DNAH11: variants seen among roughly 807,000 people sequenced by gnomAD.
DNAH11 encodes axonemal beta dynein heavy chain 11.
DNAH11 carries 442 observed loss-of-function variants against 526.0 expected under a neutral mutation model. That is an observed-to-expected ratio of 0.84 (90% CI 0.78 to 0.91). The LOEUF (loss-of-function observed/expected upper bound fraction) is 0.91, where lower values mean the gene tolerates loss of function less well. DNAH11 is among the 40% of genes least tolerant of loss of function. DNAH11 has a pLI of 0.00. For missense variants in DNAH11, 6,989 were observed against 5,448.7 expected, an observed-to-expected ratio of 1.28 and a Z score of -8.90; for synonymous variants, 2,461 against 1,935.9, an observed-to-expected ratio of 1.27 and a Z score of -7.12.
intron 14 of DNAH11, among the ~76,000 whole-genome samples, chr7:21,598,587 AAAT>A (rs1784953157): frequency 1.4e-4 from 1 of 6,942 alleles, no homozygotes; most frequent in Admixed American, 7.7e-4. Flanking sequence ...TGGTATGCAA[AAAT>A]AAATAAATAA....
Position 21,600,999 on chromosome 7 carries a change from TC to T in DNAH11, c.3256-10del. 2 of 1,610,462 alleles carry T rather than the reference TC, an allele frequency of 1.2e-6. No homozygotes were observed. The highest frequency in any genetic ancestry group is 1.7e-6 in the Non-Finnish European group (2 of 1,179,176). ...ACTGAGTTGTTCTAATTAATCTTTTTCTCACTACAGATTGACATTTATGAAG... is the reference window on the plus strand; with the variant it reads ...ACTGAGTTGTTCTAATTAATCTTTTTTCACTACAGATTGACATTTATGAAG... On this transcript the variant is annotated splice_polypyrimidine_tract_variant and intron_variant, in intron 16 of 81. Coordinates refer to ENST00000409508, the MANE Select transcript of DNAH11 (RefSeq NM_001277115.2).
At chr7:21,616,869 C>T (rs1486599793) in intron 22 of DNAH11, among the ~76,000 whole-genome samples, 2 of 152,128 alleles carry the variant, frequency 1.3e-5, no homozygotes, top group East Asian at 1.9e-4. Flanking sequence ...TGGATAAAGG[C>T]AAAATGCATA....
At chr7:21,886,604 G>A (rs561822203) in intron 76 of DNAH11, among the ~76,000 whole-genome samples, 14 of 152,246 alleles carry the variant, frequency 9.2e-5, no homozygotes, top group African/African-American at 3.4e-4. Flanking sequence ...CCAGGCATGC[G>A]ACCTTTACAG....
At position 21,704,447 on chromosome 7, in the gene DNAH11, C is replaced by CCTT. The variant is rs770606636; in HGVS notation, c.6287_6288insCTT (p.Leu2097dup). 9.7e-5 allele frequency: 156 copies of CCTT among 1,612,964 alleles called. No individual in the cohort carries two copies. The highest frequency in any genetic ancestry group is 1.3e-4 in the Non-Finnish European group (154 of 1,179,542). On this transcript the variant is annotated inframe_insertion, in exon 38 of 82. Transcript: ENST00000409508. ...TTTTTTTTCTAGGTACTCATGAGAGCATTAAGGGATTTCAATATGCCCAAA... is the reference window on the plus strand; with the variant it reads ...TTTTTTTTCTAGGTACTCATGAGAGCCTTATTAAGGGATTTCAATATGCCCAAA...
chr7:21,757,044 G>A (rs1386379549), intron 54 of DNAH11, among the ~76,000 whole-genome samples: 2 of 152,150 alleles, frequency 1.3e-5, no homozygotes, highest in Non-Finnish European at 2.9e-5. Flanking sequence ...AAAGCCATTG[G>A]ATGGAGGGAA....
At chr7:21,765,660 T>A (rs566021704) in intron 55 of DNAH11, 71 bp downstream of exon 55, 298 of 1,034,680 alleles carry the variant, frequency 2.9e-4, no homozygotes, top group African/African-American at 2.0e-3. Flanking sequence ...ACACACACAC[T>A]CTGAAAATCC....
intron 48 of DNAH11, among the ~76,000 whole-genome samples, chr7:21,740,609 T>C (rs1785838236): frequency 6.6e-6 from 1 of 152,216 alleles, no homozygotes; most frequent in African/African-American, 2.4e-5. Context: ...CACATTTTCC[T>C]TAGTTATTCA....
At chr7:21,579,444 A>G (rs529741572) in intron 8 of DNAH11, among the ~76,000 whole-genome samples, 1 of 152,308 alleles carries the variant, frequency 6.6e-6, no homozygotes, top group South Asian at 2.1e-4. Context: ...TGGAGTATGA[A>G]GAGTACAGAG....
intron 73 of DNAH11, among the ~76,000 whole-genome samples, chr7:21,871,832 C>A (rs904086329): frequency 7.2e-5 from 2 of 27,790 alleles, no homozygotes; most frequent in Non-Finnish European, 2.6e-4. Flanking sequence ...TGGTTTAAGA[C>A]CCTTCATTGG....
rs1783393882 is a variant in DNAH11, at chr7:21,869,008, A to G, written c.11967+17A>G. 1 of 1,613,496 alleles carries G rather than the reference A, an allele frequency of 6.2e-7. No homozygotes were observed. The highest frequency in any genetic ancestry group is 1.3e-5 in the African/African-American group (1 of 74,938). ...ATCCTCCAAGTGAGTATTAAGTTTC[A>G]GGGAAGACACTGGGCATAAACACAG... is the stretch of plus-strand genomic sequence containing the variant. On this transcript the variant is annotated intron_variant, in intron 73 of 81. Transcript: ENST00000409508.
intron 20 of DNAH11, among the ~76,000 whole-genome samples, chr7:21,610,521 A>T (rs1248491692): frequency 2.0e-5 from 3 of 152,224 alleles, no homozygotes; most frequent in Non-Finnish European, 4.4e-5. Context: ...AACAATGAAC[A>T]CACCATTACG....
chr7:21,628,667 A>G (rs1268896334), intron 25 of DNAH11, among the ~76,000 whole-genome samples: 1 of 152,054 alleles, frequency 6.6e-6, no homozygotes, highest in Admixed American at 6.5e-5. Flanking sequence ...ATGAGTTTTT[A>G]ATGTATTGTT....
intron 66 of DNAH11, among the ~76,000 whole-genome samples, chr7:21,850,188 C>G (rs62445863): frequency 3.3e-4 from 50 of 151,196 alleles, no homozygotes; most frequent in Non-Finnish European, 6.6e-4. Flanking sequence ...AACCCCATCT[C>G]TACTAAAAAT....
chr7:21,831,829 G>A (rs888293875), intron 65 of DNAH11, among the ~76,000 whole-genome samples: 5 of 152,120 alleles, frequency 3.3e-5, no homozygotes, highest in African/African-American at 1.2e-4. Context: ...AGTGGCTCAC[G>A]CCTGTAATCC....
chr7:21,739,344 T>C (rs915369084), intron 47 of DNAH11, among the ~76,000 whole-genome samples: 10 of 152,198 alleles, frequency 6.6e-5, no homozygotes, highest in African/African-American at 2.4e-4. Flanking sequence ...ATAGTTTACA[T>C]TGACGCAGCT....
intron 65 of DNAH11, among the ~76,000 whole-genome samples, chr7:21,834,085 T>A (rs1267513210): frequency 6.6e-6 from 1 of 152,166 alleles, no homozygotes; most frequent in African/African-American, 2.4e-5. Context: ...TTCTCCAGGA[T>A]AGGACATATG....
At chr7:21,560,726 A>G (rs760334389) in intron 4 of DNAH11, among the ~76,000 whole-genome samples, 26 of 152,148 alleles carry the variant, frequency 1.7e-4, no homozygotes, top group Non-Finnish European at 2.9e-4. Context: ...TGCCTCTCCC[A>G]GTCCATTGAC....
At chr7:21,869,143 A>G (rs765049272) in intron 73 of DNAH11, among the ~76,000 whole-genome samples, 152 bp downstream of exon 73, 12 of 152,160 alleles carry the variant, frequency 7.9e-5, no homozygotes, top group Non-Finnish European at 1.6e-4. Context: ...GATGCCTGCA[A>G]AGATGGTGAG....
rs532843294 is a variant in DNAH11 at position 21,837,259 on chromosome 7, G to A, written c.10692-5285G>A. On this transcript the variant is annotated intron_variant, in intron 65 of 81. Coordinates refer to ENST00000409508, the MANE Select transcript of DNAH11 (RefSeq NM_001277115.2). ...GATGTATCAAAAGGAAATGAAATCAGCATGTCAAAAAGATATCTGCACTTG... is the reference window on the plus strand; with the variant it reads ...GATGTATCAAAAGGAAATGAAATCAACATGTCAAAAAGATATCTGCACTTG... Among the ~76,000 whole-genome samples the A allele has an allele frequency of 5.3e-5, 8 of 152,250 alleles. No individual in the cohort carries two copies. In the South Asian group the frequency reaches 1.7e-3, roughly 32 times the overall value.
Sources: gnomAD v4.1 joint callset for allele counts (sites outside exome capture counted in the v4.1 genomes callset) on GRCh38, gnomAD v4.1.1 for gene constraint, MANE v1.5 for transcripts, NCBI Gene and HGNC (gene_info 2026-07-23, HGNC 2026-07-21) for gene names.